Variants in RAB11FIP3 observed in about 807,000 individuals in gnomAD.
RAB11FIP3 encodes the protein RAB11 family interacting protein 3.
Under a neutral mutation model 77.8 loss-of-function variants are expected in RAB11FIP3, and 17 were observed. The ratio of observed to expected loss-of-function variants is 0.22; its 90% confidence interval spans 0.15 to 0.33. The LOEUF is 0.33. RAB11FIP3 is among the 10% of genes least tolerant of loss of function. RAB11FIP3 has a pLI of 1.00. For synonymous variants in RAB11FIP3, 437 were observed against 448.2 expected (o/e 0.98, Z 0.31); for missense variants, 1,005 against 1,011.2 (o/e 0.99, Z 0.08).
chr16:479,765 T>C (rs1327471693), intron 3 of RAB11FIP3, among the ~76,000 whole-genome samples: 1 of 151,646 alleles, frequency 6.6e-6, no homozygotes, highest in Non-Finnish European at 1.5e-5. Flanking sequence ...CTACAAAATT[T>C]CAAAAAATTA....
intron 1 of RAB11FIP3, among the ~76,000 whole-genome samples, chr16:438,450 G>A (rs1376749294): frequency 7.3e-6 from 1 of 137,498 alleles, no homozygotes; most frequent in Non-Finnish European, 1.5e-5. Context: ...CTGTCACCCA[G>A]GCTGGAGTGC....
At chr16:510,391 G>A (rs1228620132) in intron 8 of RAB11FIP3, 1 of 425,098 alleles carries the variant, frequency 2.4e-6, no homozygotes, top group Non-Finnish European at 4.3e-6. Context: ...GGCCACAAGC[G>A]GGCAGTGCCT....
At chr16:449,435 C>G (rs570215972) in intron 1 of RAB11FIP3, among the ~76,000 whole-genome samples, 1 of 152,106 alleles carries the variant, frequency 6.6e-6, no homozygotes, top group Non-Finnish European at 1.5e-5. Flanking sequence ...CCAGGTATGG[C>G]AGCTTACTTC....
intron 1 of RAB11FIP3, among the ~76,000 whole-genome samples, chr16:430,754 G>A (rs544581262): frequency 6.6e-6 from 1 of 152,170 alleles, no homozygotes; most frequent in Non-Finnish European, 1.5e-5. Context: ...AGTGGCTCAC[G>A]CCTGTAATCC....
Position 497,761 on chromosome 16 carries a change from C to A in RAB11FIP3, c.1301+902C>A, listed in dbSNP as rs551437313. The stretch of plus-strand genomic sequence containing the variant: ...CTGTAGCTTCTTGAGAAAAGAGGTG[C>A]TCAGGAGATAAACTTGAGCTTGGGT... On this transcript the variant is annotated intron_variant, in intron 6 of 13. Coordinates refer to ENST00000262305, the MANE Select transcript of RAB11FIP3 (RefSeq NM_014700.4). Among the ~76,000 whole-genome samples, 58 of 152,168 alleles carry A rather than the reference C, an allele frequency of 3.8e-4. 1 individual carries two copies. The South Asian group carries it at 0.012, about 31-fold the overall frequency.
At position 522,255 on chromosome 16, in the gene RAB11FIP3, T is replaced by G. The variant is rs959089426; in HGVS notation, c.*1416T>G. The G allele has an allele frequency of 6.8e-6, 1 of 146,680 alleles. No homozygotes were observed. Among genetic ancestry groups the G allele is most frequent in the African/African-American group, 2.5e-5 (1 of 40,210 alleles). The allele number at this position is 146,680 out of a possible 1,614,324, so 9.1% of individuals were successfully genotyped here. On this transcript the variant is annotated 3_prime_UTR_variant, in exon 14 of 14. Coordinates refer to ENST00000262305, the MANE Select transcript of RAB11FIP3 (RefSeq NM_014700.4). Reference sequence around the variant, plus strand: ...TGTGTATACACATGAAATATATATATATATATATATATATATATGTATAAT... The same window carrying G: ...TGTGTATACACATGAAATATATATAGATATATATATATATATATGTATAAT...
chr16:502,754 C>T (rs764222056), intron 6 of RAB11FIP3: 25 of 543,026 alleles, frequency 4.6e-5, no homozygotes, highest in Non-Finnish European at 7.7e-5. Flanking sequence ...TTCCAAAGAG[C>T]GCCAGGAAGA....
intron 1 of RAB11FIP3, among the ~76,000 whole-genome samples, chr16:431,162 C>T (rs1212131041): frequency 6.6e-6 from 1 of 151,922 alleles, no homozygotes; most frequent in Non-Finnish European, 1.5e-5. Context: ...CATGTGTCTG[C>T]AGGATCAGGG....
chr16:470,145 C>T (rs764004500), intron 2 of RAB11FIP3, among the ~76,000 whole-genome samples: 1 of 151,878 alleles, frequency 6.6e-6, no homozygotes, highest in South Asian at 2.1e-4. Flanking sequence ...TACAGGTGTT[C>T]GCCACTATGC....
chr16:506,157 A>G lies in RAB11FIP3; in HGVS notation c.1499+530A>G, dbSNP rs921424327. Among the ~76,000 whole-genome samples the G allele has an allele frequency of 6.6e-6, 1 of 151,918 alleles. No individual in the cohort carries two copies. The highest frequency in any genetic ancestry group is 1.5e-5 in the Non-Finnish European group (1 of 67,998). ...GCGAAGTGTGACGCCGTGTTTGCAG[A>G]GAAAGAGTGGGAGCTGCTTGCCTCA... On this transcript the variant is annotated intron_variant, in intron 8 of 13. Coordinates refer to ENST00000262305, the MANE Select transcript of RAB11FIP3 (RefSeq NM_014700.4). This position sits in a 1 kb window ranked among gnomAD's most constrained non-coding sequence, Gnocchi z 4.5.
chr16:497,869 A>G (rs751379749), intron 6 of RAB11FIP3, among the ~76,000 whole-genome samples: 12 of 150,538 alleles, frequency 8.0e-5, no homozygotes, highest in African/African-American at 2.5e-4. Flanking sequence ...AGTTGTTACC[A>G]TGAAGTTTAA....
chr16:462,150 G>T (rs992527965), intron 2 of RAB11FIP3, among the ~76,000 whole-genome samples: 1 of 152,162 alleles, frequency 6.6e-6, no homozygotes, highest in South Asian at 2.1e-4. Flanking sequence ...CATACCCCTC[G>T]CCCTCAGGCA....
rs2031866044 is a variant in RAB11FIP3 at position 506,166 on chromosome 16, GGGA to G, written c.1499+541_1499+543del. On this transcript the variant is annotated intron_variant, in intron 8 of 13. Transcript: ENST00000262305. This position sits in a 1 kb window ranked among gnomAD's most constrained non-coding sequence, Gnocchi z 4.5. ...GACGCCGTGTTTGCAGAGAAAGAGT[GGGA>G]GCTGCTTGCCTCACTCTGGTTTGCA... Among the ~76,000 whole-genome samples, 1 of 152,174 alleles carries G rather than the reference GGGA, an allele frequency of 6.6e-6. No homozygotes were observed. Among genetic ancestry groups the G allele is most frequent in the African/African-American group, 2.4e-5 (1 of 41,442 alleles).
At position 461,527 on chromosome 16, in the gene RAB11FIP3, T is replaced by A; in HGVS notation, c.808+30T>A. On this transcript the variant is annotated intron_variant, in intron 2 of 13. Transcript: ENST00000262305. The surrounding 1 kb of genome is among the most constrained non-coding windows in gnomAD (Gnocchi z 4.5). ...GTCATCCCCGCCATGAGCTCCCACCTCCTCTCCCGTTCCTCAGCCACCCTC... is the reference window on the plus strand; with the variant it reads ...GTCATCCCCGCCATGAGCTCCCACCACCTCTCCCGTTCCTCAGCCACCCTC... 6.3e-7 allele frequency: 1 copy of A among 1,579,122 alleles called. No homozygotes were observed. The highest frequency in any genetic ancestry group is 1.7e-5 in the Admixed American group (1 of 59,702).
intron 10 of RAB11FIP3, 34 bp from the exon 11 acceptor site, chr16:519,720 G>T: frequency 6.2e-7 from 1 of 1,606,204 alleles, no homozygotes; most frequent in South Asian, 1.1e-5. Flanking sequence ...GTAGGTGCGT[G>T]ACCCGCATCC....
At chr16:496,961 T>C (rs1269611087) in intron 6 of RAB11FIP3, 102 bp downstream of exon 6, 25 of 1,314,904 alleles carry the variant, frequency 1.9e-5, no homozygotes, top group Non-Finnish European at 2.0e-5. Context: ...AGGTATTTTT[T>C]AAACTCTTGC....
chr16:503,626 TC>T (rs1327025507), intron 7 of RAB11FIP3, among the ~76,000 whole-genome samples: 4 of 152,056 alleles, frequency 2.6e-5, no homozygotes, highest in African/African-American at 9.7e-5. Context: ...ACGCCTGGAA[TC>T]CCAGCACATT....
At chr16:474,706 T>C in intron 3 of RAB11FIP3, 1 of 801,612 alleles carries the variant, frequency 1.2e-6, no homozygotes, top group Non-Finnish European at 1.7e-6. Context: ...AAATGTGTCT[T>C]TTGTGCAAAC....
At position 471,422 on chromosome 16, in the gene RAB11FIP3, G is replaced by A. The variant is rs748888699; in HGVS notation, c.903+33G>A. 14 of 1,519,666 alleles carry A rather than the reference G, an allele frequency of 9.2e-6. No individual in the cohort carries two copies. Among genetic ancestry groups the A allele is most frequent in the Non-Finnish European group, 1.3e-5 (14 of 1,103,618 alleles). The allele number at this position is 1,519,666 out of a possible 1,614,324, so 94.1% of individuals were successfully genotyped here. A position where few individuals can be genotyped will look rare whatever the true frequency, so the allele number is the denominator to read the frequency against. On this transcript the variant is annotated intron_variant, in intron 3 of 13. Transcript: ENST00000262305. The surrounding 1 kb of genome is among the most constrained non-coding windows in gnomAD (Gnocchi z 4.4). ...GTTTTCACCCAGGAGCTTGGGGGAA[G>A]TCTGGCATCCACCTCTTCCTTTATG...
Sources: gnomAD v4.1 joint callset for allele counts (sites outside exome capture counted in the v4.1 genomes callset) on GRCh38, gnomAD v4.1.1 for gene constraint, Gnocchi (gnomAD v3.1) non-coding constraint, MANE v1.5 for transcripts, NCBI Gene and HGNC (gene_info 2026-07-23, HGNC 2026-07-21) for gene names.